The following APPL1 variants were observed in gnomAD, a reference collection of about 807,000 sequenced individuals.
APPL1 encodes the protein DCC-interacting protein 13-alpha.
A neutral mutation model predicts 106.8 loss-of-function variants in APPL1; 42 were observed. The ratio of observed to expected loss-of-function variants is 0.39; its 90% CI spans 0.31 to 0.51. The LOEUF is 0.51. APPL1 is among the 20% of genes least tolerant of loss of function. APPL1 has a pLI of 0.75. For missense variants in APPL1, 769 were observed against 858.2 expected (o/e 0.90, Z 1.30); for synonymous variants, 263 against 281.8 (o/e 0.93, Z 0.67).
chr3:57,237,544 A>G lies in APPL1; in HGVS notation c.206A>G (p.Glu69Gly). The G allele has an allele frequency of 6.3e-7, 1 of 1,594,294 alleles. No homozygotes were observed. Among genetic ancestry groups the G allele is most frequent in the Non-Finnish European group, 8.6e-7 (1 of 1,167,976 alleles). ...ACCTCAAAACTTTTAAAAGAATATG[A>G]AAAACAGGTATTGTATATCAAAGTT... The part of the protein sequence containing the change: ...HLTSKLLKEY[E>G]KQRFPLGGDD... Residue 69 changes from glutamate to glycine, a missense_variant, in exon 3 of 22, where the codon GAA (glutamate) becomes GGA (glycine). Glu to Gly is a moderately conservative substitution (Grantham distance 98, BLOSUM62 -2). Transcript: ENST00000288266.
chr3:57,248,324 G>A lies in APPL1; in HGVS notation c.836G>A (p.Arg279Gln), dbSNP rs189403986. ...TTTCCTGTTAATCGAAATTTAACCC[G>A]AAAGGCTGGATACCTTAATGCTAGG... Reference protein sequence around the residue: ...TKFPVNRNLTRKAGYLNARNK... With the variant: ...TKFPVNRNLTQKAGYLNARNK... The change falls in exon 10 of 22, where the codon CGA becomes CAA. Residue 279 changes from arginine (R) to glutamine (Q), a missense_variant. Transcript: ENST00000288266. 13 of 1,614,096 alleles carry A rather than the reference G, an allele frequency of 8.1e-6. No individual in the cohort carries two copies. The highest frequency in any genetic ancestry group is 3.3e-5 in the Admixed American group (2 of 60,012).
chr3:57,242,627 C>T (rs1176193182), intron 6 of APPL1, among the ~76,000 whole-genome samples: 1 of 152,086 alleles, frequency 6.6e-6, no homozygotes, highest in Non-Finnish European at 1.5e-5. Context: ...CTTTAAAAAG[C>T]TTTAGTGCAT....
intron 19 of APPL1, among the ~76,000 whole-genome samples, chr3:57,265,217 C>T (rs535031900): frequency 1.2e-4 from 18 of 152,154 alleles, no homozygotes; most frequent in Middle Eastern, 3.4e-3. Flanking sequence ...TGCATAATCT[C>T]GGCTCACTGC....
rs1041140473 is a variant in APPL1 at position 57,259,976 on chromosome 3, C to G, written c.1615C>G (p.Arg539Gly). The change falls in exon 17 of 22, where the codon CGT becomes GGT. Residue 539 changes from arginine to glycine, a missense_variant. By Grantham distance (125) the Arg-to-Gly change is moderately radical. Transcript: ENST00000288266. The stretch of plus-strand genomic sequence containing the variant: ...TGCCCGGGCCATCCATAACATCTTT[C>G]GTATGACAGAATCGCATTTATTAGT... ...LAARAIHNIF[R>G]MTESHLLVTC... The G allele has an allele frequency of 6.2e-7, 1 of 1,613,854 alleles. No individual in the cohort carries two copies. The highest frequency in any genetic ancestry group is 1.7e-5 in the Admixed American group (1 of 59,952).
intron 19 of APPL1, among the ~76,000 whole-genome samples, chr3:57,262,448 AG>A (rs2107609894): frequency 9.2e-6 from 1 of 109,084 alleles, no homozygotes; most frequent in African/African-American, 3.6e-5. Flanking sequence ...GCTGGAGTGC[AG>A]TGGCACAATC....
At chr3:57,243,462 G>A (rs554256538) in intron 7 of APPL1, among the ~76,000 whole-genome samples, 1 of 152,256 alleles carries the variant, frequency 6.6e-6, no homozygotes, top group East Asian at 1.9e-4. Flanking sequence ...CCAGCATCTA[G>A]TCCAAGGCTT....
At chr3:57,237,073 T>C (rs564856817) in intron 2 of APPL1, among the ~76,000 whole-genome samples, 2 of 152,232 alleles carry the variant, frequency 1.3e-5, no homozygotes, top group African/African-American at 4.8e-5. Flanking sequence ...CATATGGCTG[T>C]GTTGCTATGT....
chr3:57,264,072 A>G (rs892247490), intron 19 of APPL1, among the ~76,000 whole-genome samples: 1 of 152,118 alleles, frequency 6.6e-6, no homozygotes, highest in Non-Finnish European at 1.5e-5. Flanking sequence ...TTTTGCTATA[A>G]GCCATTTTAA....
intron 1 of APPL1, among the ~76,000 whole-genome samples, chr3:57,234,471 T>G (rs892990113): frequency 6.6e-6 from 1 of 151,084 alleles, no homozygotes; most frequent in Non-Finnish European, 1.5e-5. Flanking sequence ...ATAATTTTTT[T>G]GTATTTTTAG....
rs1415026618 is a variant in APPL1 at position 57,269,565 on chromosome 3, A to G, written c.2008A>G (p.Ile670Val). ...EKDLEEQSRL[I>V]AASSRPNQAS... ...GGACTTGGAAGAACAAAGTCGGTTG[A>G]TAGCTGCTTCCAGTAGACCAAACCA... Residue 670 changes from isoleucine (I) to valine (V), a missense_variant, in exon 22 of 22, where the codon ATA becomes GTA. Transcript: ENST00000288266. 6.2e-7 allele frequency: 1 copy of G among 1,614,046 alleles called. No homozygotes were observed. Among genetic ancestry groups the G allele is most frequent in the Non-Finnish European group, 8.5e-7 (1 of 1,179,976 alleles).
chr3:57,260,674 A>G lies in APPL1; in HGVS notation c.1742A>G (p.Lys581Arg). ...VVLYATHQEN[K>R]RLFGFVLRTS... is the part of the protein sequence containing the mutation. ...TTGTATGCTACACACCAGGAAAATAAGCGCCTTTTTGGATTTGTTCTTCGG... is the reference window on the plus strand; with the variant it reads ...TTGTATGCTACACACCAGGAAAATAGGCGCCTTTTTGGATTTGTTCTTCGG... The change falls in exon 19 of 22, where the codon AAG becomes AGG. Residue 581 changes from lysine (K) to arginine (R), a missense_variant. Coordinates refer to ENST00000288266, the MANE Select transcript of APPL1 (RefSeq NM_012096.3). 1 of 1,613,062 alleles carries G rather than the reference A, an allele frequency of 6.2e-7. No homozygotes were observed. The highest frequency in any genetic ancestry group is 8.5e-7 in the Non-Finnish European group (1 of 1,179,364).
chr3:57,239,719 TTA>T (rs2060735599), intron 4 of APPL1, among the ~76,000 whole-genome samples: 1 of 152,188 alleles, frequency 6.6e-6, no homozygotes, highest in African/African-American at 2.4e-5. Context: ...CATGGTAATT[TTA>T]TGTTTATTTA....
At chr3:57,265,106 G>A (rs2060887515) in intron 19 of APPL1, among the ~76,000 whole-genome samples, 1 of 151,738 alleles carries the variant, frequency 6.6e-6, no homozygotes, top group Admixed American at 6.6e-5. Context: ...CATTTTTGGT[G>A]TCCTCTTCAA....
chr3:57,232,985 CAGTG>C (rs2060695665), intron 1 of APPL1, among the ~76,000 whole-genome samples: 1 of 151,602 alleles, frequency 6.6e-6, no homozygotes. Flanking sequence ...CTGGGCGACA[CAGTG>C]AGACTCTGAC....
At chr3:57,243,743 C>G (rs1218545475) in intron 7 of APPL1, among the ~76,000 whole-genome samples, 1 of 152,184 alleles carries the variant, frequency 6.6e-6, no homozygotes. Flanking sequence ...CATTTGAGAT[C>G]TCTATTAGTC....
In APPL1 at chr3:57,272,103, C is replaced by G. The variant is rs1431152786; in HGVS notation, c.*2416C>G. 6.6e-6 allele frequency: 1 copy of G among 152,152 alleles called. No individual in the cohort carries two copies. The highest frequency in any genetic ancestry group is 1.5e-5 in the Non-Finnish European group (1 of 68,022). The allele number at this position is 152,152 out of a possible 1,614,324, so 9.4% of individuals were successfully genotyped here. ...ATATCTTTTCTCACATTCAGACTTA[C>G]ACTTAATGGTGTTAGAAATCAACAA... On this transcript the variant is annotated 3_prime_UTR_variant, in exon 22 of 22. Coordinates refer to ENST00000288266, the MANE Select transcript of APPL1 (RefSeq NM_012096.3).
chr3:57,257,586 GT>G (rs1332120058), intron 15 of APPL1, among the ~76,000 whole-genome samples, 158 bp downstream of exon 15: 4 of 152,092 alleles, frequency 2.6e-5, no homozygotes, highest in Admixed American at 6.5e-5. Flanking sequence ...AACCATGCAG[GT>G]TTTTTTCTCT....
At chr3:57,239,168 A>G (rs2060732225) in intron 4 of APPL1, among the ~76,000 whole-genome samples, 1 of 152,182 alleles carries the variant, frequency 6.6e-6, no homozygotes, top group Non-Finnish European at 1.5e-5. Flanking sequence ...TATGGGGGAA[A>G]CTGCCCCCAT....
chr3:57,256,984 G>A lies in APPL1; in HGVS notation c.1180G>A (p.Ala394Thr), dbSNP rs2060840260. 3.7e-6 allele frequency: 6 copies of A among 1,614,092 alleles called. No homozygotes were observed. Among genetic ancestry groups the A allele is most frequent in the Non-Finnish European group, 5.1e-6 (6 of 1,180,004 alleles). The change falls in exon 14 of 22, where the codon GCT becomes ACT. Residue 394 changes from alanine to threonine, a missense_variant. Transcript: ENST00000288266. Reference protein sequence around the residue: ...EETAARVNQSALEAVTPSPSF... With the variant: ...EETAARVNQSTLEAVTPSPSF... ...AACTGCTGCACGAGTAAATCAATCA[G>A]CTCTGGAAGCTGTCACTCCTTCCCC...
Sources: gnomAD v4.1 joint callset for allele counts (sites outside exome capture counted in the v4.1 genomes callset) on GRCh38, gnomAD v4.1.1 for gene constraint, MANE v1.5 for transcripts, NCBI Gene and HGNC (gene_info 2026-07-23, HGNC 2026-07-21) for gene names.